The following FRMD5 variants were observed in gnomAD, a reference collection of about 807,000 sequenced individuals.
FRMD5 encodes FERM domain-containing protein 5.
In FRMD5, 20 loss-of-function variants were observed where a neutral mutation model predicts 69.0. The ratio of observed to expected loss-of-function variants is 0.29; its 90% CI spans 0.20 to 0.42. FRMD5 has a LOEUF of 0.42. FRMD5 is among the 10% of genes least tolerant of loss of function. FRMD5 has a pLI of 1.00. For missense variants in FRMD5, 595 were observed against 708.6 expected (o/e 0.84, Z 1.82); for synonymous variants, 271 against 260.1 (o/e 1.04, Z -0.40).
chr15:43,876,189 G>A lies in FRMD5; in HGVS notation c.1136-1727C>T. The stretch of plus-strand genomic sequence containing the variant: ...CTTCTTGTCAGCACTGTCACTCCCA[G>A]AGGCTGCACCCCCTTTCCCCGCTTT... On this transcript the variant is annotated intron_variant, in intron 13 of 13. Coordinates refer to ENST00000417257, the MANE Select transcript of FRMD5 (RefSeq NM_032892.5). 1.9e-6 allele frequency: 3 copies of A among 1,600,556 alleles called. No homozygotes were observed. The South Asian group carries it at 3.3e-5, about 18-fold the overall frequency.
chr15:43,873,946 G>A lies in FRMD5; in HGVS notation c.1652C>T (p.Pro551Leu), dbSNP rs1197039442. 1 of 1,614,162 alleles carries A rather than the reference G, an allele frequency of 6.2e-7. No individual in the cohort carries two copies. The highest frequency in any genetic ancestry group is 8.5e-7 in the Non-Finnish European group (1 of 1,180,024). ...FEQFHYQYFC[P>L]LRRWFACKIR... ...TTTGCAGGCAAACCATCGCCTGAGGGGACAAAAGTATTGATAGTGGAATTG... is the reference window on the plus strand; with the variant it reads ...TTTGCAGGCAAACCATCGCCTGAGGAGACAAAAGTATTGATAGTGGAATTG... The change falls in exon 14 of 14, where the codon CCC becomes CTC. Residue 551 changes from proline (P) to leucine (L), a missense_variant. This residue lies in a region of FRMD5 where 245 missense variants were observed against 227.1 expected (regional missense o/e 1.08). Coordinates refer to ENST00000417257, the MANE Select transcript of FRMD5 (RefSeq NM_032892.5).
chr15:44,014,235 G>A (rs1890854722), intron 1 of FRMD5, among the ~76,000 whole-genome samples: 1 of 152,056 alleles, frequency 6.6e-6, no homozygotes, highest in Non-Finnish European at 1.5e-5. Context: ...TGTGATGGGG[G>A]GAAAAGCAGT....
At position 44,194,916 on chromosome 15, in the gene FRMD5, G is replaced by A. The variant is rs369076274; in HGVS notation, c.102+37C>T. On this transcript the variant is annotated intron_variant, in intron 1 of 13. Transcript: ENST00000417257. Reference sequence around the variant, plus strand: ...AGTTGACCAGACTTGGGGGACAAGGGGGTCCCGCGGGCGGGGCGGGGCGGC... The same window carrying A: ...AGTTGACCAGACTTGGGGGACAAGGAGGTCCCGCGGGCGGGGCGGGGCGGC... The A allele has an allele frequency of 3.2e-4, 475 of 1,481,340 alleles. 14 individuals are homozygous for A. In the South Asian group the frequency reaches 5.6e-3, roughly 17 times the overall value. 91.8% of individuals were successfully genotyped at this position (1,481,340 alleles called of 1,614,324 possible).
intron 1 of FRMD5, among the ~76,000 whole-genome samples, chr15:44,181,378 A>T (rs953273149): frequency 1.3e-5 from 2 of 152,102 alleles, no homozygotes; most frequent in Admixed American, 6.6e-5. Context: ...AGTTATAGAT[A>T]CACAAAATTG....
At chr15:44,164,769 C>T (rs2077680779) in intron 1 of FRMD5, among the ~76,000 whole-genome samples, 1 of 152,168 alleles carries the variant, frequency 6.6e-6, no homozygotes, top group Non-Finnish European at 1.5e-5. Flanking sequence ...ATGAAACTGT[C>T]ACAGTGAAGA....
intron 1 of FRMD5, among the ~76,000 whole-genome samples, chr15:44,047,118 C>T (rs12906279): frequency 6.6e-6 from 1 of 152,100 alleles, no homozygotes; most frequent in Non-Finnish European, 1.5e-5. Flanking sequence ...ACCACTCTGG[C>T]CAACGTGGTG....
At chr15:44,064,667 T>C (rs1167642229) in intron 1 of FRMD5, among the ~76,000 whole-genome samples, 2 of 152,008 alleles carry the variant, frequency 1.3e-5, no homozygotes, top group East Asian at 3.9e-4. Flanking sequence ...AGTGAAAAAA[T>C]CCTACTGAAA....
At position 43,891,992 on chromosome 15, in the gene FRMD5, G is replaced by A; in HGVS notation, c.717C>T (p.His239=). 1 of 1,613,960 alleles carries A rather than the reference G, an allele frequency of 6.2e-7. No homozygotes were observed. ...ATGAAGATGCTCACCATTTAATGAA[G>A]TGGACCCTCTTGTTTCCTTGAAGAA... ...FVVLQGNKRV[H]FIKWNEVTKL... The change falls in exon 8 of 14, where the codon CAC becomes CAT. Residue 239 remains histidine, a synonymous_variant. Transcript: ENST00000417257.
At chr15:43,971,641 A>C (rs1009306893) in intron 1 of FRMD5, among the ~76,000 whole-genome samples, 4 of 151,894 alleles carry the variant, frequency 2.6e-5, no homozygotes, top group African/African-American at 7.3e-5. Context: ...AAAAAAAAAA[A>C]AAAGAGTTTC....
intron 1 of FRMD5, among the ~76,000 whole-genome samples, chr15:44,013,446 A>T (rs1890815033): frequency 6.6e-6 from 1 of 152,234 alleles, no homozygotes; most frequent in African/African-American, 2.4e-5. Flanking sequence ...ATTAGGTCAA[A>T]TCATGGACTT....
chr15:44,192,063 T>G (rs887281429), intron 1 of FRMD5, among the ~76,000 whole-genome samples: 1 of 151,686 alleles, frequency 6.6e-6, no homozygotes, highest in Non-Finnish European at 1.5e-5. Context: ...AGGGGAGCAA[T>G]TATACTACAA....
intron 1 of FRMD5, among the ~76,000 whole-genome samples, chr15:43,927,346 C>T (rs551144138): frequency 6.6e-6 from 1 of 152,284 alleles, no homozygotes; most frequent in South Asian, 2.1e-4. Flanking sequence ...CCTGAACTCG[C>T]AGGCCCTATT....
At chr15:43,945,532 A>T (rs1264082815) in intron 1 of FRMD5, among the ~76,000 whole-genome samples, 2 of 152,150 alleles carry the variant, frequency 1.3e-5, no homozygotes, top group Non-Finnish European at 2.9e-5. Flanking sequence ...ATTATGAATG[A>T]AGTAGGTCCT....
intron 1 of FRMD5, among the ~76,000 whole-genome samples, chr15:43,934,000 C>T (rs888389113): frequency 1.3e-5 from 2 of 152,166 alleles, no homozygotes; most frequent in Non-Finnish European, 1.5e-5. Flanking sequence ...GTCTAGGAGG[C>T]GGGGCTGGAA....
intron 1 of FRMD5, among the ~76,000 whole-genome samples, chr15:43,965,916 T>C (rs1373844168): frequency 2.0e-5 from 3 of 152,034 alleles, no homozygotes. Context: ...GAAGCACATA[T>C]GAGGGTAGTA....
At chr15:43,917,171 T>C (rs1044713934) in intron 4 of FRMD5, among the ~76,000 whole-genome samples, 10 of 152,192 alleles carry the variant, frequency 6.6e-5, no homozygotes, top group African/African-American at 2.4e-4. Context: ...GTGTCTGTGG[T>C]GCTCTCACTG....
At chr15:44,046,652 TA>T (rs777693725) in intron 1 of FRMD5, among the ~76,000 whole-genome samples, 6 of 152,220 alleles carry the variant, frequency 3.9e-5, no homozygotes, top group Non-Finnish European at 8.8e-5. Flanking sequence ...GGAATTAAAA[TA>T]CAATGTTGGT....
At chr15:44,095,934 C>T (rs1480575602) in intron 1 of FRMD5, among the ~76,000 whole-genome samples, 3 of 152,068 alleles carry the variant, frequency 2.0e-5, no homozygotes, top group Non-Finnish European at 2.9e-5. Context: ...TGGCCGGGTG[C>T]GGCGGCTCAC....
intron 1 of FRMD5, chr15:44,194,609 C>A: frequency 2.7e-6 from 1 of 371,954 alleles, no homozygotes; most frequent in Non-Finnish European, 5.0e-6. Context: ...AGGAGCCTAC[C>A]GCCCTACCCG....
Sources: allele counts gnomAD v4.1 joint callset (sites outside exome capture counted in the v4.1 genomes callset), GRCh38; gene constraint gnomAD v4.1.1; regional missense constraint gnomAD v4.1.1; transcripts MANE v1.5; gene names NCBI Gene and HGNC (gene_info 2026-07-23, HGNC 2026-07-21).